The following DOCK5 variants were observed in gnomAD, a reference collection of about 807,000 sequenced individuals.
DOCK5 encodes the protein dedicator of cytokinesis protein 5.
In DOCK5, 142 loss-of-function variants were observed where a neutral mutation model predicts 251.8. The observed-to-expected ratio is 0.56, with a 90% CI of 0.49 to 0.65. The LOEUF (loss-of-function observed/expected upper bound fraction) is 0.65, where lower values mean the gene tolerates loss of function less well. DOCK5 is among the 30% of genes least tolerant of loss of function. DOCK5 has a pLI of 0.00. For synonymous variants in DOCK5, 842 were observed against 835.5 expected (o/e 1.01, Z -0.13); for missense variants, 2,111 against 2,312.3 (o/e 0.91, Z 1.79).
In DOCK5 at chr8:25,341,294, A is replaced by T. The variant is rs551757876; in HGVS notation, c.2439+306A>T. Among the ~76,000 whole-genome samples the T allele has an allele frequency of 5.9e-5, 9 of 152,298 alleles. No homozygotes were observed. In the South Asian group the frequency reaches 1.9e-3, roughly 32 times the overall value. ...CTGATCCCAATGCACTACAGGTGAC[A>T]AATTTTTATTTTTTGTCCCTCATTT... On this transcript the variant is annotated intron_variant, in intron 23 of 51. Coordinates refer to ENST00000276440, the MANE Select transcript of DOCK5 (RefSeq NM_024940.8).
chr8:25,376,103 G>GAAAAAAAAA (rs59845416), intron 37 of DOCK5: 1 of 715,328 alleles, frequency 1.4e-6, no homozygotes, highest in Admixed American at 7.2e-5. Flanking sequence ...TGTCTCAAAA[G>GAAAAAAAAA]AAAAAAAAAA....
intron 48 of DOCK5, among the ~76,000 whole-genome samples, chr8:25,404,886 C>A (rs963455129): frequency 2.0e-5 from 3 of 152,078 alleles, no homozygotes; most frequent in African/African-American, 7.2e-5. Flanking sequence ...CCAAACTGTA[C>A]TCTTAGTCTT....
chr8:25,399,270 G>C (rs1801396867), intron 45 of DOCK5, among the ~76,000 whole-genome samples: 1 of 152,142 alleles, frequency 6.6e-6, no homozygotes, highest in Admixed American at 6.5e-5. Context: ...GGACTTAGCT[G>C]GGGGGTCATG....
At chr8:25,199,065 AC>A (rs571174654) in intron 1 of DOCK5, among the ~76,000 whole-genome samples, 2 of 152,196 alleles carry the variant, frequency 1.3e-5, no homozygotes, top group Non-Finnish European at 2.9e-5. Context: ...CTGACTTCTC[AC>A]GTGGTTTCAG....
In DOCK5 at chr8:25,354,578, C is replaced by T. The variant is rs749013581; in HGVS notation, c.2850+2752C>T. On this transcript the variant is annotated intron_variant, in intron 27 of 51. Coordinates refer to ENST00000276440, the MANE Select transcript of DOCK5 (RefSeq NM_024940.8). ...TGAGAGTGGGAATGACTTAGATCCA[C>T]GGAGTGATGGCGGTGCCAAAAGAAG... Among the ~76,000 whole-genome samples the T allele has an allele frequency of 3.1e-3, 472 of 152,102 alleles. 5 individuals are homozygous for T. Among genetic ancestry groups the T allele is most frequent in the Non-Finnish European group, 2.8e-3 (187 of 67,990 alleles).
intron 36 of DOCK5, among the ~76,000 whole-genome samples, 176 bp from the exon 37 acceptor site, chr8:25,374,388 A>C (rs142477941): frequency 6.6e-6 from 1 of 152,248 alleles, no homozygotes; most frequent in Non-Finnish European, 1.5e-5. Flanking sequence ...CCAGCTACTT[A>C]GGAGGCTAAG....
intron 5 of DOCK5, among the ~76,000 whole-genome samples, chr8:25,286,460 C>A (rs1804335469): frequency 1.3e-5 from 2 of 152,090 alleles, no homozygotes; most frequent in Non-Finnish European, 2.9e-5. Context: ...ATGCCCGAAG[C>A]CACATAGCAA....
chr8:25,408,081 A>G lies in DOCK5; in HGVS notation c.5192A>G (p.Lys1731Arg), dbSNP rs766352033. The G allele has an allele frequency of 6.2e-7, 1 of 1,605,182 alleles. No homozygotes were observed. Reference protein sequence around the residue: ...REENSENRISKFKRKDWSLSK... With the variant: ...REENSENRISRFKRKDWSLSK... ...GAGAACAGCGAGAACCGGATCAGCA[A>G]GTTTAAGAGAAAAGACTGGAGTCTG... Residue 1731 changes from lysine to arginine, a missense_variant, in exon 49 of 52, where the codon AAG (lysine) becomes AGG (arginine). Lys to Arg is a conservative substitution (Grantham distance 26, BLOSUM62 2). Transcript: ENST00000276440.
At chr8:25,291,949 T>TA in intron 5 of DOCK5, 75 bp from the exon 6 acceptor site, 1 of 1,326,360 alleles carries the variant, frequency 7.5e-7, no homozygotes, top group Non-Finnish European at 9.9e-7. Flanking sequence ...AACAAACAAA[T>TA]AAAAAAAGGA....
intron 5 of DOCK5, among the ~76,000 whole-genome samples, chr8:25,283,443 A>C (rs1804252792): frequency 6.6e-6 from 1 of 152,112 alleles, no homozygotes; most frequent in Admixed American, 6.6e-5. Context: ...GCAAAAGTTG[A>C]TGTAAAAGCT....
chr8:25,302,661 G>A (rs1014919152), intron 10 of DOCK5, among the ~76,000 whole-genome samples: 8 of 152,142 alleles, frequency 5.3e-5, no homozygotes, highest in African/African-American at 1.9e-4. Flanking sequence ...AAGTAACCTA[G>A]GTGCCCATCA....
chr8:25,341,800 T>G lies in DOCK5; in HGVS notation c.2501T>G (p.Val834Gly). 5.1e-6 allele frequency: 8 copies of G among 1,568,256 alleles called. No homozygotes were observed. Among genetic ancestry groups the G allele is most frequent in the Non-Finnish European group, 6.9e-6 (8 of 1,154,762 alleles). ...INDVKLVFDP[V>G]ELSVLFCKFI... Reference sequence around the variant, plus strand: ...GATGTCAAACTTGTATTTGATCCTGTTGAGCTCAGGTAAATAGCAAAACAA... The same window carrying G: ...GATGTCAAACTTGTATTTGATCCTGGTGAGCTCAGGTAAATAGCAAAACAA... Residue 834 changes from valine (V) to glycine (G), a missense_variant, in exon 24 of 52, where the codon GTT (valine) becomes GGT (glycine). Coordinates refer to ENST00000276440, the MANE Select transcript of DOCK5 (RefSeq NM_024940.8).
At chr8:25,380,581 T>C (rs1801047736) in intron 39 of DOCK5, among the ~76,000 whole-genome samples, 187 bp downstream of exon 39, 1 of 152,164 alleles carries the variant, frequency 6.6e-6, no homozygotes, top group Admixed American at 6.5e-5. Flanking sequence ...CTGCCAAATA[T>C]CCTTCAGAGA....
chr8:25,376,176 T>C (rs1800960278), intron 37 of DOCK5: 2 of 984,412 alleles, frequency 2.0e-6, no homozygotes, highest in Non-Finnish European at 2.4e-6. Flanking sequence ...GATTTCGCCA[T>C]TGTATGATCA....
intron 1 of DOCK5, among the ~76,000 whole-genome samples, chr8:25,189,258 A>G (rs1801515995): frequency 1.3e-5 from 2 of 151,942 alleles, no homozygotes; most frequent in South Asian, 2.1e-4. Flanking sequence ...GAGTCTTTCT[A>G]TATTGTCCAG....
chr8:25,259,440 T>G (rs1803510538), intron 2 of DOCK5, among the ~76,000 whole-genome samples: 1 of 152,180 alleles, frequency 6.6e-6, no homozygotes, highest in East Asian at 1.9e-4. Context: ...TTTTCTTTCT[T>G]TAATTAATTT....
At chr8:25,368,390 G>A in intron 32 of DOCK5, 140 bp downstream of exon 32, 1 of 1,088,680 alleles carries the variant, frequency 9.2e-7, no homozygotes, top group Non-Finnish European at 1.3e-6. Context: ...TGATTTGTGG[G>A]TTTCATTGAC....
intron 27 of DOCK5, among the ~76,000 whole-genome samples, chr8:25,353,960 T>G (rs996121730): frequency 7.1e-6 from 1 of 140,118 alleles, no homozygotes; most frequent in Admixed American, 7.9e-5. Context: ...AGGTGGAGGT[T>G]GAGGTTGCAA....
At chr8:25,271,004 G>T in intron 3 of DOCK5, 4 of 438,090 alleles carry the variant, frequency 9.1e-6, no homozygotes, top group Non-Finnish European at 1.6e-5. Context: ...ATAAACCTCT[G>T]CTTACTTTTT....
Sources: allele counts gnomAD v4.1 joint callset (sites outside exome capture counted in the v4.1 genomes callset), GRCh38; gene constraint gnomAD v4.1.1; transcripts MANE v1.5; gene names NCBI Gene and HGNC (gene_info 2026-07-23, HGNC 2026-07-21).